Variants in KIAA1191 observed in about 807,000 individuals in gnomAD.
KIAA1191 encodes putative monooxygenase p33MONOX.
Under a neutral mutation model 31.1 loss-of-function variants are expected in KIAA1191, and 22 were observed. That is an observed-to-expected ratio of 0.71 (90% CI 0.51 to 1.01). The LOEUF (loss-of-function observed/expected upper bound fraction) is 1.01. KIAA1191 is among the 50% of genes least tolerant of loss of function. KIAA1191 has a pLI of 0.00. For missense variants in KIAA1191, 319 were observed against 388.0 expected (o/e 0.82, Z 1.49); for synonymous variants, 130 against 143.9 (o/e 0.90, Z 0.69).
Position 176,352,591 on chromosome 5 carries a change from G to A in KIAA1191, c.334+31C>T, listed in dbSNP as rs375233757. ...GCCTCAACTCTTCCCTGCCCCTATG[G>A]CACTCTACTCTGAGGGTGAAGAGTG... is the stretch of plus-strand genomic sequence containing the variant. On this transcript the variant is annotated intron_variant, in intron 5 of 8. Coordinates refer to ENST00000298569, the MANE Select transcript of KIAA1191 (RefSeq NM_020444.5). 62 of 1,608,214 alleles carry A rather than the reference G, an allele frequency of 3.9e-5. 1 individual carries two copies. The highest frequency in any genetic ancestry group is 2.5e-4 in the East Asian group (11 of 44,732).
At chr5:176,356,320 G>A (rs999592477) in intron 3 of KIAA1191, among the ~76,000 whole-genome samples, 8 of 152,232 alleles carry the variant, frequency 5.3e-5, no homozygotes, top group Non-Finnish European at 8.8e-5. Context: ...TGAAATGACC[G>A]AGGATACGAA....
At chr5:176,351,666 G>A (rs1303938434) in intron 5 of KIAA1191, among the ~76,000 whole-genome samples, 1 of 151,942 alleles carries the variant, frequency 6.6e-6, no homozygotes, top group African/African-American at 2.4e-5. Flanking sequence ...GCTGAGGTGG[G>A]AGAATTGCTT....
At chr5:176,352,582 G>T (rs1334581015) in intron 5 of KIAA1191, 40 bp downstream of exon 5, 2 of 1,602,626 alleles carry the variant, frequency 1.2e-6, no homozygotes, top group East Asian at 2.2e-5. Flanking sequence ...ACTCTTCCCT[G>T]CCCCTATGGC....
chr5:176,351,714 C>G (rs1193126157), intron 5 of KIAA1191, among the ~76,000 whole-genome samples: 2 of 150,002 alleles, frequency 1.3e-5, no homozygotes, highest in Non-Finnish European at 3.0e-5. Flanking sequence ...GCTGAGACCA[C>G]AGCATTGCAC....
At chr5:176,348,593 G>A (rs1395630420) in intron 6 of KIAA1191, among the ~76,000 whole-genome samples, 1 of 150,172 alleles carries the variant, frequency 6.7e-6, no homozygotes, top group Non-Finnish European at 1.5e-5. Context: ...TGTACTTAAA[G>A]CTTTACACTA....
intron 5 of KIAA1191, among the ~76,000 whole-genome samples, chr5:176,351,759 A>T (rs1228119325): frequency 6.6e-6 from 1 of 151,964 alleles, no homozygotes; most frequent in Non-Finnish European, 1.5e-5. Flanking sequence ...CTCTGTCTCA[A>T]AACAAAAAAA....
At chr5:176,360,836 AAAT>A (rs1259165936) in intron 1 of KIAA1191, among the ~76,000 whole-genome samples, 1 of 152,030 alleles carries the variant, frequency 6.6e-6, no homozygotes, top group Non-Finnish European at 1.5e-5. Context: ...AAAATGTTAA[AAAT>A]AATAATAAAG....
chr5:176,354,807 G>A (rs1767359675), intron 4 of KIAA1191, among the ~76,000 whole-genome samples: 1 of 152,198 alleles, frequency 6.6e-6, no homozygotes, highest in Admixed American at 6.5e-5. Flanking sequence ...TGGAGGGCGA[G>A]AAAGCAATGC....
intron 3 of KIAA1191, among the ~76,000 whole-genome samples, chr5:176,358,992 G>A (rs1767739450): frequency 6.6e-6 from 1 of 151,526 alleles, no homozygotes; most frequent in Non-Finnish European, 1.5e-5. Context: ...GCTGAGGCAG[G>A]AGAATGGTGT....
At chr5:176,359,614 G>A (rs1217559688) in intron 2 of KIAA1191, 47 bp from the exon 3 acceptor site, 64 of 894,604 alleles carry the variant, frequency 7.2e-5, no homozygotes, top group Admixed American at 1.8e-5. Flanking sequence ...CAGCACCAAT[G>A]CTGTTCTTCT....
intron 6 of KIAA1191, among the ~76,000 whole-genome samples, chr5:176,350,193 T>C (rs1766863506): frequency 6.6e-6 from 1 of 152,234 alleles, no homozygotes; most frequent in Admixed American, 6.5e-5. Context: ...TTTGAAACTA[T>C]TCATTCAAAT....
intron 5 of KIAA1191, 83 bp from the exon 6 acceptor site, chr5:176,350,820 T>TC (rs927490445): frequency 3.8e-5 from 58 of 1,527,954 alleles, no homozygotes; most frequent in Non-Finnish European, 4.9e-5. Flanking sequence ...TCTACTATTC[T>TC]CCCCAGAAGC....
chr5:176,355,377 A>C lies in KIAA1191; in HGVS notation c.207+194T>G, dbSNP rs1767414890. The stretch of plus-strand genomic sequence containing the variant: ...CAACACCTCGGGTAACCCTAAAGCT[A>C]CTGATTTTTTTTTTAACAAAATAAA... On this transcript the variant is annotated intron_variant, in intron 4 of 8. Transcript: ENST00000298569. This position sits in a 1 kb window ranked among gnomAD's most constrained non-coding sequence, Gnocchi z 4.2. 6.7e-6 allele frequency among the ~76,000 whole-genome samples: 1 copy of C among 150,134 alleles called. No homozygotes were observed. Among genetic ancestry groups the C allele is most frequent in the African/African-American group, 2.5e-5 (1 of 40,624 alleles).
chr5:176,348,108 C>T (rs753619571), intron 7 of KIAA1191, 45 bp from the exon 8 acceptor site: 11 of 1,609,296 alleles, frequency 6.8e-6, no homozygotes, highest in East Asian at 2.2e-5. Flanking sequence ...CCTCTTCCTT[C>T]GCCCCTAGAA....
intron 5 of KIAA1191, 115 bp from the exon 6 acceptor site, chr5:176,350,852 AAAG>A (rs1360431415): frequency 2.0e-4 from 258 of 1,286,052 alleles, no homozygotes; most frequent in Non-Finnish European, 2.4e-4. Flanking sequence ...CTGACCATTC[AAAG>A]AAGAGGAGAC....
intron 6 of KIAA1191, among the ~76,000 whole-genome samples, chr5:176,350,053 TCTC>T (rs1388621220): frequency 6.6e-6 from 1 of 152,150 alleles, no homozygotes; most frequent in Admixed American, 6.5e-5. Context: ...CGAACCTCAA[TCTC>T]CTCATTTACA....
At position 176,351,483 on chromosome 5, in the gene KIAA1191, T is replaced by G. The variant is rs144820888; in HGVS notation, c.335-746A>C. 6.3e-3 allele frequency among the ~76,000 whole-genome samples: 948 copies of G among 150,266 alleles called. 12 individuals are homozygous for G. The highest frequency in any genetic ancestry group is 0.022 in the African/African-American group (899 of 40,912). ...AATAAGAAAATCAAAGTATAGGTGG[T>G]GCGTGATGGCTCACACCTGTAATCC... On this transcript the variant is annotated intron_variant, in intron 5 of 8. Transcript: ENST00000298569.
rs141401159 is a variant in KIAA1191 at position 176,349,294 on chromosome 5, G to T, written c.460-938C>A. ...CTCTCTGGAAGCTTCTGTCTTGTTT[G>T]AAAGCTTAAACTGGCCACCAGCCCA... is the stretch of plus-strand genomic sequence containing the variant. On this transcript the variant is annotated intron_variant, in intron 6 of 8. Coordinates refer to ENST00000298569, the MANE Select transcript of KIAA1191 (RefSeq NM_020444.5). Among the ~76,000 whole-genome samples, 79 of 152,322 alleles carry T rather than the reference G, an allele frequency of 5.2e-4. 2 individuals carry two copies. The East Asian group carries it at 0.015, about 28-fold the overall frequency.
rs1359620596 is a variant in KIAA1191, at chr5:176,355,409, C to T, written c.207+162G>A. 1.5e-5 allele frequency among the ~76,000 whole-genome samples: 1 copy of T among 67,422 alleles called. No homozygotes were observed. The highest frequency in any genetic ancestry group is 5.1e-5 in the African/African-American group (1 of 19,630). 44.2% of individuals were successfully genotyped at this position (67,422 alleles called of 152,430 possible). ...TTTTTTTTAACAAAATAAATAAAATCTTAAAAAAAAAAAAAAGACAGCTAT... is the reference window on the plus strand; with the variant it reads ...TTTTTTTTAACAAAATAAATAAAATTTTAAAAAAAAAAAAAAGACAGCTAT... On this transcript the variant is annotated intron_variant, in intron 4 of 8. Coordinates refer to ENST00000298569, the MANE Select transcript of KIAA1191 (RefSeq NM_020444.5). This position sits in a 1 kb window ranked among gnomAD's most constrained non-coding sequence, Gnocchi z 4.2.
Sources: allele counts gnomAD v4.1 joint callset (sites outside exome capture counted in the v4.1 genomes callset), GRCh38; gene constraint gnomAD v4.1.1; non-coding constraint Gnocchi (gnomAD v3.1); transcripts MANE v1.5; gene names NCBI Gene and HGNC (gene_info 2026-07-23, HGNC 2026-07-21).